SYNE1: variants seen among roughly 807,000 people sequenced by gnomAD.
The protein encoded by SYNE1 is spectrin repeat containing nuclear envelope protein 1.
A neutral mutation model predicts 1,111.0 loss-of-function variants in SYNE1; 616 were observed. That is an observed-to-expected ratio of 0.55 (90% CI 0.52 to 0.59). SYNE1 has a LOEUF of 0.59. Among genes scored for constraint, SYNE1 ranks in the 20% least tolerant of loss-of-function variants. SYNE1 has a pLI of 0.00. For synonymous variants in SYNE1, 3,855 were observed against 3,825.8 expected, an observed-to-expected ratio of 1.01 and a Z score of -0.28; for missense variants, 10,006 against 10,417.0, an observed-to-expected ratio of 0.96 and a Z score of 1.72.
chr6:152,387,476 A>G lies in SYNE1; in HGVS notation c.8178-95T>C, dbSNP rs1175767293. ...TCGTGACATCCATGCCAATTGTTTTATTGAATGCTACTGGAAGTGATGAAA... is the reference window on the plus strand; with the variant it reads ...TCGTGACATCCATGCCAATTGTTTTGTTGAATGCTACTGGAAGTGATGAAA... On this transcript the variant is annotated intron_variant, in intron 53 of 145. Transcript: ENST00000367255. 5.6e-6 allele frequency: 7 copies of G among 1,260,650 alleles called. No individual in the cohort carries two copies. The East Asian group carries it at 1.7e-4, about 30-fold the overall frequency. 78.1% of individuals were successfully genotyped at this position (1,260,650 alleles called of 1,614,324 possible). A position where few individuals can be genotyped will look rare whatever the true frequency, so the allele number is the denominator to read the frequency against.
chr6:152,194,474 C>T (rs2073553538), intron 127 of SYNE1, among the ~76,000 whole-genome samples: 1 of 152,076 alleles, frequency 6.6e-6, no homozygotes, highest in Non-Finnish European at 1.5e-5. Context: ...TATTAAATGC[C>T]TTGAGGTAAT....
intron 100 of SYNE1, among the ~76,000 whole-genome samples, chr6:152,267,011 T>C (rs1589056881): frequency 6.6e-6 from 1 of 152,236 alleles, no homozygotes; most frequent in African/African-American, 2.4e-5. Flanking sequence ...ATCACATTTT[T>C]ACTTAGCATC....
chr6:152,153,982 G>A (rs992777937), intron 133 of SYNE1, among the ~76,000 whole-genome samples: 1 of 152,158 alleles, frequency 6.6e-6, no homozygotes, highest in Admixed American at 6.5e-5. Flanking sequence ...AATGAATGCA[G>A]CTACATTTCA....
At chr6:152,316,617 G>C (rs1390346863) in intron 87 of SYNE1, 1 of 542,680 alleles carries the variant, frequency 1.8e-6, no homozygotes, top group Non-Finnish European at 3.3e-6. Context: ...TTGGGTCTTG[G>C]TGTAAGGTAG....
chr6:152,521,442 T>C (rs1234206898), intron 5 of SYNE1, among the ~76,000 whole-genome samples: 2 of 152,222 alleles, frequency 1.3e-5, no homozygotes, highest in Non-Finnish European at 2.9e-5. Context: ...CCTAAAATGG[T>C]TGTACTACTT....
intron 6 of SYNE1, chr6:152,511,532 T>C (rs1177695910): frequency 1.0e-5 from 16 of 1,598,868 alleles, no homozygotes; most frequent in Admixed American, 3.3e-5. Context: ...CTTTTACCTA[T>C]AAAAATCAGG....
At chr6:152,604,998 AAGAAAGAAAGAGAGAGAGAGAGAGAG>A (rs2099608749) in intron 3 of SYNE1, among the ~76,000 whole-genome samples, 1 of 26,922 alleles carries the variant, frequency 3.7e-5, no homozygotes, top group African/African-American at 1.6e-4. Flanking sequence ...GAAAGAAAGA[AAGAAAGAAAGAGAGAGAGAGAGAGAG>A]AGAGAGAGAG....
chr6:152,225,609 A>C, intron 116 of SYNE1, 112 bp downstream of exon 116: 1 of 1,282,570 alleles, frequency 7.8e-7, no homozygotes, highest in Non-Finnish European at 1.1e-6. Context: ...GTACAAGGAG[A>C]TAATGTATAG....
At chr6:152,613,353 C>A (rs1272580719) in intron 3 of SYNE1, among the ~76,000 whole-genome samples, 1 of 152,116 alleles carries the variant, frequency 6.6e-6, no homozygotes, top group East Asian at 1.9e-4. Context: ...TATAAACCAA[C>A]AACAGACAAA....
intron 70 of SYNE1, 24 bp downstream of exon 70, chr6:152,352,003 T>A (rs1409417489): frequency 4.4e-6 from 7 of 1,608,010 alleles, no homozygotes; most frequent in East Asian, 2.2e-5. Flanking sequence ...TCTGCATGCA[T>A]CTGTCAATGA....
chr6:152,151,110 T>G (rs1319085676), intron 135 of SYNE1, among the ~76,000 whole-genome samples: 2 of 151,812 alleles, frequency 1.3e-5, no homozygotes, highest in African/African-American at 4.8e-5. Context: ...TAATCTCAGC[T>G]CCTTGGCAGG....
At chr6:152,569,605 A>G (rs944440623) in intron 3 of SYNE1, among the ~76,000 whole-genome samples, 10 of 152,214 alleles carry the variant, frequency 6.6e-5, no homozygotes, top group African/African-American at 2.4e-4. Flanking sequence ...CTGTAGTAGA[A>G]TAGAAAAAAT....
chr6:152,550,745 A>G lies in SYNE1; in HGVS notation c.68-10724T>C, dbSNP rs143430712. On this transcript the variant is annotated intron_variant, in intron 3 of 145. Transcript: ENST00000367255. ...CATACTTTTCTCTGCAGAAATATCAACGTCTTTGATTGCAAGGTGCTGCCA... is the reference window on the plus strand; with the variant it reads ...CATACTTTTCTCTGCAGAAATATCAGCGTCTTTGATTGCAAGGTGCTGCCA... Among the ~76,000 whole-genome samples, 26 of 152,244 alleles carry G rather than the reference A, an allele frequency of 1.7e-4. No homozygotes were observed. In the South Asian group the frequency reaches 1.9e-3, roughly 11 times the overall value.
chr6:152,311,552 G>T (rs1181463373), intron 87 of SYNE1, among the ~76,000 whole-genome samples: 1 of 152,166 alleles, frequency 6.6e-6, no homozygotes, highest in Admixed American at 6.5e-5. Context: ...CTGCAACTTG[G>T]GGAAGATTGG....
intron 127 of SYNE1, among the ~76,000 whole-genome samples, chr6:152,201,473 CTT>C (rs199617709): frequency 2.8e-5 from 4 of 140,470 alleles, no homozygotes; most frequent in African/African-American, 2.6e-5. Flanking sequence ...GCTGTTGATC[CTT>C]TTTTTTTTTT....
intron 91 of SYNE1, 142 bp from the exon 92 acceptor site, chr6:152,302,205 C>A: frequency 9.2e-7 from 1 of 1,088,220 alleles, no homozygotes; most frequent in South Asian, 1.3e-5. Flanking sequence ...GGCGGCGAGT[C>A]CTCCTGCATC....
chr6:152,208,128 C>A lies in SYNE1; in HGVS notation c.22668G>T (p.Gly7556=), dbSNP rs1324795930. The A allele has an allele frequency of 6.2e-7, 1 of 1,614,108 alleles. No homozygotes were observed. Among genetic ancestry groups the A allele is most frequent in the South Asian group, 1.1e-5 (1 of 91,072 alleles). Reference sequence around the variant, plus strand: ...ACTGGCGAATCTGGCTGTCAATGATCCCCCGCCTCTGCTGGGCCCTGCGAA... The same window carrying A: ...ACTGGCGAATCTGGCTGTCAATGATACCCCGCCTCTGCTGGGCCCTGCGAA... ...GVIRRAQQRR[G]IIDSQIRQWQ... Residue 7556 remains glycine, a synonymous_variant, in exon 125 of 146, where the codon GGG becomes GGT. Coordinates refer to ENST00000367255, the MANE Select transcript of SYNE1 (RefSeq NM_182961.4).
intron 39 of SYNE1, among the ~76,000 whole-genome samples, chr6:152,421,592 T>C (rs112130315): frequency 1.3e-5 from 2 of 152,068 alleles, no homozygotes; most frequent in Non-Finnish European, 2.9e-5. Context: ...GTTCCCATAA[T>C]TTGGACTGAA....
chr6:152,588,224 T>A (rs1022529410), intron 3 of SYNE1, among the ~76,000 whole-genome samples: 6 of 152,280 alleles, frequency 3.9e-5, no homozygotes, highest in Non-Finnish European at 4.4e-5. Context: ...GAATAAAACA[T>A]AAATGTCAAC....
Sources: allele counts gnomAD v4.1 joint callset (sites outside exome capture counted in the v4.1 genomes callset), GRCh38; gene constraint gnomAD v4.1.1; transcripts MANE v1.5; gene names NCBI Gene and HGNC (gene_info 2026-07-23, HGNC 2026-07-21).